Variants in ACTR3C observed in about 807,000 individuals in gnomAD.
The protein encoded by ACTR3C is actin related protein 3C.
ACTR3C carries 18 observed loss-of-function variants against 26.3 expected under a neutral mutation model. That is an observed-to-expected ratio of 0.68 (90% CI 0.47 to 1.01). The LOEUF (loss-of-function observed/expected upper bound fraction) is 1.01. Ranked by LOEUF, ACTR3C falls within the 50% of genes least tolerant of loss-of-function variation. ACTR3C has a pLI of 0.00. For missense variants in ACTR3C, 184 were observed against 250.7 expected (o/e 0.73, Z 1.80); for synonymous variants, 55 against 94.5 (o/e 0.58, Z 2.42).
chr7:150,298,416 T>C (rs1375340051), intron 1 of ACTR3C, among the ~76,000 whole-genome samples: 1 of 150,568 alleles, frequency 6.6e-6, no homozygotes, highest in Non-Finnish European at 1.5e-5. Context: ...CACAGTAGCA[T>C]GCCATACCAG....
At chr7:150,141,811 C>T in the ACTR3C span, among the ~76,000 whole-genome samples, 1 of 151,854 alleles carries the variant, frequency 6.6e-6, no homozygotes, top group Non-Finnish European at 1.5e-5. Context: ...GTGTTCCAAG[C>T]GCTTGCCAAG....
At chr7:149,991,994 T>A in the ACTR3C span, among the ~76,000 whole-genome samples, 13 of 109,406 alleles carry the variant, frequency 1.2e-4, 1 homozygote, top group African/African-American at 3.4e-4. Context: ...GAGTGTTTGT[T>A]ATGTAAGCAC....
chr7:149,964,703 G>A, the ACTR3C span, among the ~76,000 whole-genome samples: 1 of 152,144 alleles, frequency 6.6e-6, no homozygotes, highest in Admixed American at 6.5e-5. Flanking sequence ...AGTGAGCCAA[G>A]GGAAATACAT....
At chr7:150,198,815 C>T in the ACTR3C span, among the ~76,000 whole-genome samples, 2 of 143,578 alleles carry the variant, frequency 1.4e-5, no homozygotes, top group Non-Finnish European at 3.0e-5. Context: ...GGGGGGTCAG[C>T]CCCCCGCCCG....
At chr7:150,247,666 C>T (rs1490241129) in intron 7 of ACTR3C, 97 bp from the exon 8 acceptor site, 3 of 141,216 alleles carry the variant, frequency 2.1e-5, no homozygotes, top group African/African-American at 8.1e-5. Context: ...TATGCCCCCA[C>T]CAAATCTCGT....
chr7:150,317,923 A>T, intron 1 of ACTR3C, among the ~76,000 whole-genome samples: 1 of 152,010 alleles, frequency 6.6e-6, no homozygotes, highest in East Asian at 1.9e-4. Context: ...GGAGGAAAGT[A>T]AACCAAAAGG....
At chr7:150,247,029 C>G (rs932104722), downstream of ACTR3C, 3 of 152,388 alleles carry the variant, frequency 2.0e-5, no homozygotes, top group Admixed American at 2.0e-4. Flanking sequence ...CTCCCGACCT[C>G]AGATGATCTG....
intron 1 of ACTR3C, among the ~76,000 whole-genome samples, chr7:150,312,948 C>T (rs1403314121): frequency 5.3e-5 from 8 of 152,150 alleles, no homozygotes; most frequent in Admixed American, 4.6e-4. Context: ...AGCCAGCTCC[C>T]GCCTTAACTG....
the ACTR3C span, among the ~76,000 whole-genome samples, chr7:150,177,583 T>C: frequency 6.6e-6 from 1 of 151,076 alleles, no homozygotes; most frequent in Admixed American, 6.5e-5. Context: ...TTCTAAGATG[T>C]GATATCTCTG....
At chr7:150,238,840 T>C in the ACTR3C span, among the ~76,000 whole-genome samples, 1 of 147,374 alleles carries the variant, frequency 6.8e-6, no homozygotes, top group Non-Finnish European at 1.5e-5. Context: ...TGTCTGATTA[T>C]ATGGCACTCC....
the ACTR3C span, among the ~76,000 whole-genome samples, chr7:150,045,505 G>A: frequency 6.6e-6 from 1 of 151,290 alleles, no homozygotes; most frequent in East Asian, 1.9e-4. Context: ...TATATATATC[G>A]GGAGTATACT....
Position 150,263,104 on chromosome 7 carries a change from G to T in ACTR3C, c.565-14050C>A, listed in dbSNP as rs532844222. On this transcript the variant is annotated intron_variant, in intron 6 of 7. Transcript: ENST00000683684. ...TCCTATTTAGAGAAAACAGTAGGAAGTCGGAAGAGATGAGCACATTAAAGA... is the reference window on the plus strand; with the variant it reads ...TCCTATTTAGAGAAAACAGTAGGAATTCGGAAGAGATGAGCACATTAAAGA... Among the ~76,000 whole-genome samples, 30 of 152,216 alleles carry T rather than the reference G, an allele frequency of 2.0e-4. No individual in the cohort carries two copies. In the South Asian group the frequency reaches 6.3e-3, roughly 32 times the overall value.
the ACTR3C span, among the ~76,000 whole-genome samples, chr7:149,946,746 C>G: frequency 6.6e-6 from 1 of 152,146 alleles, no homozygotes; most frequent in Non-Finnish European, 1.5e-5. Flanking sequence ...CTTAGAACAG[C>G]AAAACAAAAG....
the ACTR3C span, among the ~76,000 whole-genome samples, chr7:150,160,089 C>A: frequency 4.6e-5 from 7 of 152,100 alleles, no homozygotes; most frequent in African/African-American, 1.7e-4. Flanking sequence ...GCCACTGCAC[C>A]CAGCCTAAGG....
the ACTR3C span, among the ~76,000 whole-genome samples, chr7:150,034,239 G>A: frequency 4.0e-5 from 6 of 151,768 alleles, no homozygotes; most frequent in African/African-American, 4.8e-5. Flanking sequence ...TCAAATAGGG[G>A]GGCCATCCTT....
At chr7:150,100,656 C>A in the ACTR3C span, among the ~76,000 whole-genome samples, 1 of 151,350 alleles carries the variant, frequency 6.6e-6, no homozygotes, top group Admixed American at 6.6e-5. Flanking sequence ...ATTTTCCCAG[C>A]TATCTTATAT....
the ACTR3C span, among the ~76,000 whole-genome samples, chr7:150,118,205 A>T: frequency 1.3e-5 from 2 of 152,138 alleles, no homozygotes; most frequent in Non-Finnish European, 2.9e-5. Flanking sequence ...ACTCCTCACC[A>T]GCAAGGGAAC....
chr7:150,180,658 G>T, the ACTR3C span, among the ~76,000 whole-genome samples: 1 of 148,390 alleles, frequency 6.7e-6, no homozygotes, highest in East Asian at 2.0e-4. Context: ...GACTACAGGC[G>T]CGCGCCACCA....
intron 6 of ACTR3C, among the ~76,000 whole-genome samples, chr7:150,256,536 A>G (rs1185430958): frequency 6.6e-6 from 1 of 152,250 alleles, no homozygotes; most frequent in African/African-American, 2.4e-5. Flanking sequence ...ATTGTCACTT[A>G]TAAGTGGGTG....
Sources: gnomAD v4.1 joint callset for allele counts (sites outside exome capture counted in the v4.1 genomes callset) on GRCh38, gnomAD v4.1.1 for gene constraint, MANE v1.5 for transcripts, NCBI Gene and HGNC (gene_info 2026-07-23, HGNC 2026-07-21) for gene names.